The following ACVR2A variants were observed in gnomAD, a reference collection of about 807,000 sequenced individuals.
ACVR2A encodes the protein activin receptor type-2A.
A neutral mutation model predicts 61.4 loss-of-function variants in ACVR2A; 7 were observed. The observed-to-expected ratio is 0.11, with a 90% CI of 0.06 to 0.21. The LOEUF is 0.21. Among genes scored for constraint, ACVR2A ranks in the 10% least tolerant of loss-of-function variants. The probability of loss-of-function intolerance (pLI) is 1.00; values close to 1 mark genes in which losing one functional copy is unlikely to be tolerated. For synonymous variants in ACVR2A, 193 were observed against 208.3 expected (o/e 0.93, Z 0.63); for missense variants, 322 against 621.7 (o/e 0.52, Z 5.13).
intron 5 of ACVR2A, among the ~76,000 whole-genome samples, chr2:147,915,619 AAAC>A (rs2105214051): frequency 6.6e-6 from 1 of 152,096 alleles, no homozygotes; most frequent in South Asian, 2.1e-4. Context: ...AGATTCCAAT[AAAC>A]AAGTCTAATT....
intron 2 of ACVR2A, among the ~76,000 whole-genome samples, chr2:147,899,061 G>C (rs898884839): frequency 6.6e-6 from 1 of 151,926 alleles, no homozygotes; most frequent in South Asian, 2.1e-4. Context: ...TTCAGTTTTT[G>C]TATTCACAGA....
chr2:147,862,282 A>AT (rs578169508), intron 1 of ACVR2A, among the ~76,000 whole-genome samples: 382 of 144,880 alleles, frequency 2.6e-3, no homozygotes, highest in East Asian at 0.011. Flanking sequence ...TCTAGGGCAG[A>AT]TTTTTTTTTT....
At chr2:147,845,330 C>G (rs2105123758) in intron 1 of ACVR2A, 123 bp downstream of exon 1, 1 of 599,824 alleles carries the variant, frequency 1.7e-6, no homozygotes. Context: ...CCACTCCCTG[C>G]GCCCCTCGGC....
chr2:147,866,259 C>CT (rs1558963159), intron 1 of ACVR2A, among the ~76,000 whole-genome samples: 1 of 152,150 alleles, frequency 6.6e-6, no homozygotes, highest in East Asian at 1.9e-4. Context: ...TGGGTTTGTC[C>CT]TTTTCAGTGA....
intron 8 of ACVR2A, among the ~76,000 whole-genome samples, chr2:147,920,975 T>C (rs556644335): frequency 6.6e-6 from 1 of 152,254 alleles, no homozygotes; most frequent in Admixed American, 6.5e-5. Context: ...CAGTTTATTC[T>C]CAGAAACTTT....
At chr2:147,913,432 A>C (rs1198621421) in intron 4 of ACVR2A, among the ~76,000 whole-genome samples, 2 of 151,954 alleles carry the variant, frequency 1.3e-5, no homozygotes, top group East Asian at 1.9e-4. Context: ...TTTGAAACCT[A>C]TCTCTCTACC....
chr2:147,870,592 T>C (rs1420282263), intron 1 of ACVR2A, among the ~76,000 whole-genome samples: 1 of 152,166 alleles, frequency 6.6e-6, no homozygotes, highest in African/African-American at 2.4e-5. Flanking sequence ...CTTGGTAACC[T>C]GTAAAGTCAG....
At chr2:147,890,589 A>G (rs1686558353) in intron 1 of ACVR2A, among the ~76,000 whole-genome samples, 1 of 152,156 alleles carries the variant, frequency 6.6e-6, no homozygotes. Flanking sequence ...CAAACCTTTT[A>G]TACTTATTTA....
chr2:147,922,876 T>G, intron 8 of ACVR2A, 97 bp from the exon 9 acceptor site: 1 of 1,309,446 alleles, frequency 7.6e-7, no homozygotes. Context: ...CTTACCCTGG[T>G]AATAGACCAC....
intron 1 of ACVR2A, among the ~76,000 whole-genome samples, chr2:147,873,896 T>C (rs1306962931): frequency 6.6e-6 from 1 of 151,978 alleles, no homozygotes; most frequent in Non-Finnish European, 1.5e-5. Context: ...AAGTAGTTAT[T>C]CATGAAACAC....
chr2:147,874,696 G>C (rs1292137381), intron 1 of ACVR2A, among the ~76,000 whole-genome samples: 1 of 151,934 alleles, frequency 6.6e-6, no homozygotes, highest in Non-Finnish European at 1.5e-5. Context: ...CACTAGAATG[G>C]ATGATTCTAA....
intron 1 of ACVR2A, among the ~76,000 whole-genome samples, chr2:147,884,954 G>A (rs1230856707): frequency 6.6e-6 from 1 of 152,050 alleles, no homozygotes; most frequent in Non-Finnish European, 1.5e-5. Flanking sequence ...AGTCCAATGA[G>A]GGCAGTCTTG....
intron 10 of ACVR2A, 67 bp downstream of exon 10, chr2:147,926,228 T>C: frequency 6.5e-7 from 1 of 1,536,980 alleles, no homozygotes; most frequent in Admixed American, 1.9e-5. Context: ...ATTATTTATC[T>C]CTGCACATTT....
intron 7 of ACVR2A, among the ~76,000 whole-genome samples, chr2:147,919,042 A>C (rs904846350): frequency 6.6e-6 from 1 of 152,184 alleles, no homozygotes; most frequent in Middle Eastern, 3.4e-3. Context: ...CAGTGAAGAA[A>C]TACTACTTAG....
Position 147,899,454 on chromosome 2 carries a change from A to G in ACVR2A, c.264-4A>G, listed in dbSNP as rs763966563. The G allele has an allele frequency of 1.3e-6, 2 of 1,599,290 alleles. No homozygotes were observed. Among genetic ancestry groups the G allele is most frequent in the Admixed American group, 3.4e-5 (2 of 58,764 alleles). On this transcript the variant is annotated splice_polypyrimidine_tract_variant and splice_region_variant and intron_variant, in intron 2 of 10. Transcript: ENST00000241416. ...TTAATTATTTTTTCTCTGCTTATTT[A>G]TAGGACTGATTGTGTAGAAAAAAAA...
chr2:147,904,403 C>A (rs1226810084), intron 4 of ACVR2A, among the ~76,000 whole-genome samples: 1 of 151,878 alleles, frequency 6.6e-6, no homozygotes, highest in Non-Finnish European at 1.5e-5. Flanking sequence ...TGATAAAATA[C>A]CACTTGATAA....
chr2:147,846,899 A>G (rs1457488910), intron 1 of ACVR2A, among the ~76,000 whole-genome samples: 1 of 152,176 alleles, frequency 6.6e-6, no homozygotes, highest in Non-Finnish European at 1.5e-5. Flanking sequence ...GGAATTGTGG[A>G]CATTATTCCC....
intron 1 of ACVR2A, among the ~76,000 whole-genome samples, chr2:147,847,444 T>C (rs2105126878): frequency 6.6e-6 from 1 of 152,314 alleles, no homozygotes; most frequent in Non-Finnish European, 1.5e-5. Context: ...ATGAGGTGAC[T>C]ATTTTTATGA....
chr2:147,888,854 G>C (rs1306783399), intron 1 of ACVR2A, among the ~76,000 whole-genome samples: 1 of 152,064 alleles, frequency 6.6e-6, no homozygotes, highest in African/African-American at 2.4e-5. Flanking sequence ...CTGTGTTAGA[G>C]TGTTGAGAGT....
Sources: allele counts gnomAD v4.1 joint callset (sites outside exome capture counted in the v4.1 genomes callset), GRCh38; gene constraint gnomAD v4.1.1; transcripts MANE v1.5; gene names NCBI Gene and HGNC (gene_info 2026-07-23, HGNC 2026-07-21).